Variants in ADAMTSL1 observed in about 807,000 individuals in gnomAD.
ADAMTSL1 encodes the protein ADAMTS like 1.
ADAMTSL1 carries 126 observed loss-of-function variants against 201.8 expected under a neutral mutation model. The ratio of observed to expected loss-of-function variants is 0.62; its 90% CI spans 0.54 to 0.72. The LOEUF (loss-of-function observed/expected upper bound fraction) is 0.72. Among genes scored for constraint, ADAMTSL1 ranks in the 30% least tolerant of loss-of-function variants. The pLI is 0.00. For synonymous variants in ADAMTSL1, 1,121 were observed against 903.4 expected (o/e 1.24, Z -4.32); for missense variants, 2,679 against 2,277.8 (o/e 1.18, Z -3.59).
chr9:18,051,142 A>G (rs1025313039), intron 1 of ADAMTSL1, among the ~76,000 whole-genome samples: 4 of 152,142 alleles, frequency 2.6e-5, no homozygotes, highest in African/African-American at 9.7e-5. Flanking sequence ...TCTACTAAAA[A>G]TACAAAAAAT....
intron 2 of ADAMTSL1, among the ~76,000 whole-genome samples, chr9:18,257,032 C>G (rs1831714865): frequency 6.6e-6 from 1 of 152,146 alleles, no homozygotes; most frequent in African/African-American, 2.4e-5. Flanking sequence ...TTCCTGATAT[C>G]TTCAACTTAT....
intron 4 of ADAMTSL1, among the ~76,000 whole-genome samples, chr9:18,618,981 T>C (rs1825865622): frequency 1.3e-5 from 2 of 152,184 alleles, no homozygotes; most frequent in African/African-American, 4.8e-5. Flanking sequence ...GAAACGGCTA[T>C]GGAAACATAC....
intron 7 of ADAMTSL1, among the ~76,000 whole-genome samples, chr9:18,650,514 G>C (rs1234950040): frequency 6.6e-6 from 1 of 152,058 alleles, no homozygotes; most frequent in Non-Finnish European, 1.5e-5. Flanking sequence ...GACAGGAGCT[G>C]TTCCTATTCG....
At position 18,236,301 on chromosome 9, in the gene ADAMTSL1, C is replaced by G. The variant is rs188700735; in HGVS notation, c.207+72320C>G. Among the ~76,000 whole-genome samples, 642 of 152,276 alleles carry G rather than the reference C, an allele frequency of 4.2e-3. 8 individuals carry two copies. Among genetic ancestry groups the G allele is most frequent in the African/African-American group, 0.015 (615 of 41,558 alleles). On this transcript the variant is annotated intron_variant, in intron 2 of 29. Transcript: ENST00000680146. ...TGGCCAGGCTGGCTGGTCTTGAATG[C>G]CTGACCCCGTGAACCACCCACCTCA...
chr9:18,795,337 G>T, intron 19 of ADAMTSL1, 60 bp from the exon 20 acceptor site: 5 of 1,602,824 alleles, frequency 3.1e-6, no homozygotes, highest in Non-Finnish European at 4.3e-6. Flanking sequence ...TACCAATATT[G>T]AATGCCAAAA....
At chr9:18,644,989 T>A (rs1827700751) in intron 7 of ADAMTSL1, among the ~76,000 whole-genome samples, 1 of 152,044 alleles carries the variant, frequency 6.6e-6, no homozygotes, top group Admixed American at 6.6e-5. Context: ...GTTGCACTAG[T>A]TTACAGTCCC....
rs137922444 is a variant in ADAMTSL1 at position 17,953,881 on chromosome 9, A to G, written c.87+46959A>G. On this transcript the variant is annotated intron_variant, in intron 1 of 29. Coordinates refer to the ADAMTSL1 transcript ENST00000680146. ...CTGAGGAGGTTTTCTCTGCACCATC[A>G]TGACTGGGCTCTCAGATGAAATAGC... is the stretch of plus-strand genomic sequence containing the variant. 3.9e-5 allele frequency among the ~76,000 whole-genome samples: 6 copies of G among 152,280 alleles called. No individual in the cohort carries two copies. The South Asian group carries it at 1.0e-3, about 26-fold the overall frequency.
At chr9:18,384,244 G>A (rs777983235) in intron 2 of ADAMTSL1, among the ~76,000 whole-genome samples, 8 of 152,028 alleles carry the variant, frequency 5.3e-5, no homozygotes, top group Non-Finnish European at 1.0e-4. Flanking sequence ...TCCTCACATG[G>A]CAAAACAGGA....
intron 1 of ADAMTSL1, among the ~76,000 whole-genome samples, chr9:18,482,043 A>C (rs753553482): frequency 3.3e-5 from 5 of 152,236 alleles, no homozygotes; most frequent in Non-Finnish European, 7.3e-5. Context: ...CTGTCAGTGC[A>C]ATTACTATAT....
chr9:18,512,181 C>T (rs1818076204), intron 2 of ADAMTSL1, among the ~76,000 whole-genome samples: 1 of 152,044 alleles, frequency 6.6e-6, no homozygotes, highest in Admixed American at 6.5e-5. Flanking sequence ...GGGTTAAAGC[C>T]TAGTCTAAAT....
At chr9:18,109,476 C>T (rs1215748012) in intron 1 of ADAMTSL1, among the ~76,000 whole-genome samples, 1 of 152,136 alleles carries the variant, frequency 6.6e-6, no homozygotes, top group Non-Finnish European at 1.5e-5. Context: ...AATCATCCTC[C>T]CTCCTGTCAT....
intron 2 of ADAMTSL1, among the ~76,000 whole-genome samples, chr9:18,184,656 A>G (rs1043262235): frequency 1.3e-5 from 2 of 152,220 alleles, no homozygotes; most frequent in East Asian, 3.9e-4. Context: ...CCCTCAATCC[A>G]CTGAATAACA....
At chr9:18,536,945 T>C (rs1490570558) in intron 3 of ADAMTSL1, among the ~76,000 whole-genome samples, 1 of 152,124 alleles carries the variant, frequency 6.6e-6, no homozygotes, top group Admixed American at 6.6e-5. Flanking sequence ...TGCACTATCC[T>C]TAAGGTTCAT....
chr9:18,131,472 A>G (rs1255945469), intron 1 of ADAMTSL1, among the ~76,000 whole-genome samples: 1 of 152,164 alleles, frequency 6.6e-6, no homozygotes, highest in Non-Finnish European at 1.5e-5. Flanking sequence ...AGAGATGATT[A>G]GTCTCGTATG....
intron 20 of ADAMTSL1, among the ~76,000 whole-genome samples, chr9:18,808,798 C>G (rs187532951): frequency 3.3e-4 from 50 of 152,296 alleles, no homozygotes; most frequent in Non-Finnish European, 6.8e-4. Flanking sequence ...ATCACAAGCA[C>G]CAGACTTTAG....
chr9:18,101,303 C>T (rs1372234395), intron 1 of ADAMTSL1, among the ~76,000 whole-genome samples: 2 of 152,018 alleles, frequency 1.3e-5, no homozygotes, highest in African/African-American at 4.8e-5. Context: ...CGAGACCAGC[C>T]TGACCAACAG....
chr9:18,696,591 A>T (rs922198394), intron 13 of ADAMTSL1, among the ~76,000 whole-genome samples: 2 of 152,154 alleles, frequency 1.3e-5, no homozygotes, highest in African/African-American at 4.8e-5. Context: ...CTATTGTGGT[A>T]GTCCAGCAGA....
intron 1 of ADAMTSL1, among the ~76,000 whole-genome samples, chr9:17,982,672 C>T (rs755954381): frequency 9.9e-5 from 15 of 152,180 alleles, no homozygotes; most frequent in Non-Finnish European, 1.5e-4. Flanking sequence ...GTCCAGCAAA[C>T]TGAGTGCGTG....
intron 2 of ADAMTSL1, among the ~76,000 whole-genome samples, chr9:18,510,805 A>G (rs1286707435): frequency 6.6e-6 from 1 of 152,006 alleles, no homozygotes; most frequent in African/African-American, 2.4e-5. Context: ...GATGATGGAC[A>G]TTTATTTTAT....
Sources: allele counts gnomAD v4.1 joint callset (sites outside exome capture counted in the v4.1 genomes callset), GRCh38; gene constraint gnomAD v4.1.1; transcripts MANE v1.5; gene names NCBI Gene and HGNC (gene_info 2026-07-23, HGNC 2026-07-21).